The following SYTL3 variants were observed in gnomAD, a reference collection of about 807,000 sequenced individuals.
SYTL3 encodes synaptotagmin like 3, also known as synaptotagmin-like protein 3.
In SYTL3, 88 loss-of-function variants were observed where a neutral mutation model predicts 82.1. The ratio of observed to expected loss-of-function variants is 1.07; its 90% CI spans 0.90 to 1.28. The LOEUF (loss-of-function observed/expected upper bound fraction) is 1.28, where lower values mean the gene tolerates loss of function less well. Among genes scored for constraint, SYTL3 ranks in the 50% most tolerant of loss-of-function variants. The pLI is 0.00. For missense variants in SYTL3, 831 were observed against 757.6 expected (o/e 1.10, Z -1.14); for synonymous variants, 311 against 289.4 (o/e 1.07, Z -0.76).
chr6:158,683,548 A>G (rs1778971362), intron 6 of SYTL3, among the ~76,000 whole-genome samples: 2 of 152,272 alleles, frequency 1.3e-5, no homozygotes, highest in South Asian at 2.1e-4. Flanking sequence ...AGGCTCGTGC[A>G]CTACAAGGTT....
At chr6:158,762,911 C>T (rs544204995) in intron 16 of SYTL3, among the ~76,000 whole-genome samples, 50 of 152,132 alleles carry the variant, frequency 3.3e-4, no homozygotes, top group African/African-American at 1.0e-3. Context: ...AACAAAACTC[C>T]GTCTCAAAAA....
intron 4 of SYTL3, among the ~76,000 whole-genome samples, chr6:158,663,939 A>G (rs1050234389): frequency 3.3e-5 from 5 of 150,736 alleles, no homozygotes. Flanking sequence ...CCAACAGGGA[A>G]CTCTTCCCTG....
chr6:158,667,020 C>T (rs1036388124), intron 5 of SYTL3, among the ~76,000 whole-genome samples: 1 of 152,182 alleles, frequency 6.6e-6, no homozygotes, highest in Non-Finnish European at 1.5e-5. Context: ...GCTGCCCTGG[C>T]GGCATAGAGA....
chr6:158,672,992 G>A (rs182427937), intron 5 of SYTL3, among the ~76,000 whole-genome samples: 25 of 151,978 alleles, frequency 1.6e-4, no homozygotes, highest in Middle Eastern at 3.2e-3. Flanking sequence ...AGTACAGGGT[G>A]TGATCATAGC....
rs1251172720 is a variant in SYTL3, at chr6:158,764,762, CTG to C, written c.*162_*163del. 8.7e-6 allele frequency: 5 copies of C among 576,754 alleles called. No individual in the cohort carries two copies. The highest frequency in any genetic ancestry group is 2.2e-5 in the South Asian group (1 of 44,492). 35.7% of individuals were successfully genotyped at this position (576,754 alleles called of 1,614,324 possible). ...CCATGGCTTAACCGCCTATTGGTAT[CTG>C]TGTATATTTACGTTAAACACAATTA... On this transcript the variant is annotated 3_prime_UTR_variant, in exon 18 of 18. Transcript: ENST00000611299.
chr6:158,655,832 G>A (rs9456336), intron 2 of SYTL3, among the ~76,000 whole-genome samples: 28,987 of 152,132 alleles, frequency 0.19, 2,861 homozygotes, highest in African/African-American at 0.25. Flanking sequence ...ACAGCAAGTC[G>A]GTGGCAGAGG....
chr6:158,736,192 A>G (rs1185941709), intron 11 of SYTL3, among the ~76,000 whole-genome samples: 1 of 152,096 alleles, frequency 6.6e-6, no homozygotes, highest in Non-Finnish European at 1.5e-5. Context: ...TCTACTAAAA[A>G]TACAAAAAAT....
At chr6:158,706,322 G>A (rs897908241) in intron 6 of SYTL3, among the ~76,000 whole-genome samples, 1 of 152,176 alleles carries the variant, frequency 6.6e-6, no homozygotes, top group Non-Finnish European at 1.5e-5. Context: ...TTGGTGTTGA[G>A]AGCTTAACAT....
intron 10 of SYTL3, among the ~76,000 whole-genome samples, chr6:158,722,590 A>T (rs954016565): frequency 2.6e-5 from 4 of 152,000 alleles, no homozygotes; most frequent in African/African-American, 9.7e-5. Context: ...TCTTCTGTGC[A>T]TTCCACTGGG....
intron 11 of SYTL3, among the ~76,000 whole-genome samples, chr6:158,736,584 T>A (rs1360122070): frequency 2.0e-5 from 3 of 150,922 alleles, no homozygotes; most frequent in Non-Finnish European, 4.4e-5. Flanking sequence ...AGGTCAGGAG[T>A]TTGAGACCAG....
chr6:158,677,660 A>G (rs1387746107), intron 5 of SYTL3, among the ~76,000 whole-genome samples: 1 of 142,196 alleles, frequency 7.0e-6, no homozygotes, highest in Non-Finnish European at 1.5e-5. Context: ...AGCCGAGATC[A>G]TGTCATTGCA....
intron 5 of SYTL3, among the ~76,000 whole-genome samples, chr6:158,666,821 G>A (rs1270868483): frequency 6.6e-6 from 1 of 152,220 alleles, no homozygotes; most frequent in East Asian, 1.9e-4. Flanking sequence ...CAGTCATCTA[G>A]CCAGAGAGGT....
intron 10 of SYTL3, among the ~76,000 whole-genome samples, chr6:158,721,534 A>G (rs1346565770): frequency 1.3e-5 from 2 of 151,946 alleles, no homozygotes; most frequent in African/African-American, 4.8e-5. Context: ...ATAAGGGACA[A>G]TTTAGCCAAA....
At chr6:158,709,893 G>C (rs1228383853) in intron 8 of SYTL3, among the ~76,000 whole-genome samples, 1 of 152,070 alleles carries the variant, frequency 6.6e-6, no homozygotes, top group African/African-American at 2.4e-5. Flanking sequence ...AAATTAGCTG[G>C]ATGTGGTAGC....
intron 14 of SYTL3, among the ~76,000 whole-genome samples, chr6:158,759,639 T>C (rs1336104807): frequency 6.6e-6 from 1 of 152,178 alleles, no homozygotes; most frequent in African/African-American, 2.4e-5. Flanking sequence ...TTCAAGTGAT[T>C]CTCTGCCTCA....
intron 6 of SYTL3, among the ~76,000 whole-genome samples, chr6:158,696,396 G>C (rs1402021608): frequency 6.6e-6 from 1 of 151,470 alleles, no homozygotes; most frequent in East Asian, 1.9e-4. Flanking sequence ...GTAGAGATGG[G>C]GTTTCACTGT....
chr6:158,686,629 G>A (rs1345002792), intron 6 of SYTL3, among the ~76,000 whole-genome samples: 1 of 152,226 alleles, frequency 6.6e-6, no homozygotes, highest in African/African-American at 2.4e-5. Context: ...AGAACCAGGT[G>A]CAGTCATTGA....
chr6:158,757,530 G>T, intron 14 of SYTL3, 149 bp downstream of exon 14: 1 of 866,570 alleles, frequency 1.2e-6, no homozygotes, highest in Non-Finnish European at 1.7e-6. Flanking sequence ...CTTTGAAATA[G>T]TTACTTTCTT....
chr6:158,656,907 G>A (rs759201699), intron 2 of SYTL3, among the ~76,000 whole-genome samples: 7 of 152,084 alleles, frequency 4.6e-5, no homozygotes, highest in Non-Finnish European at 8.8e-5. Context: ...AAAACCAAAA[G>A]CATTCAAGAG....
Sources: gnomAD v4.1 joint callset for allele counts (sites outside exome capture counted in the v4.1 genomes callset) on GRCh38, gnomAD v4.1.1 for gene constraint, MANE v1.5 for transcripts, NCBI Gene and HGNC (gene_info 2026-07-23, HGNC 2026-07-21) for gene names.